S100A2: variants seen among roughly 807,000 people sequenced by gnomAD.
S100A2 encodes protein S100-A2.
Under a neutral mutation model 4.3 loss-of-function variants are expected in S100A2, and 5 were observed. The observed-to-expected ratio is 1.16, with a 90% CI of 0.61 to 2.44. The LOEUF (loss-of-function observed/expected upper bound fraction) is 2.44. Ranked by LOEUF, S100A2 falls within the 30% of genes most tolerant of loss-of-function variation. The pLI is 0.01. For missense variants in S100A2, 103 were observed against 114.7 expected (o/e 0.90, Z 0.47); for synonymous variants, 44 against 46.0 (o/e 0.96, Z 0.17).
rs769235802 is a variant in S100A2, at chr1:153,561,403, C to T, written c.*36G>A. 6.2e-7 allele frequency: 1 copy of T among 1,602,564 alleles called. No individual in the cohort carries two copies. The highest frequency in any genetic ancestry group is 8.5e-7 in the Non-Finnish European group (1 of 1,171,754). On this transcript the variant is annotated 3_prime_UTR_variant, in exon 3 of 3. Transcript: ENST00000368708. ...CTCAAAGGCATCAACAGTCCTGGGC[C>T]CAAGAGATCCATGGCAGGAAGTCAA...
chr1:153,564,045 C>T, intron 1 of S100A2, 158 bp from the exon 2 acceptor site: 1 of 715,132 alleles, frequency 1.4e-6, no homozygotes, highest in Non-Finnish European at 2.2e-6. Context: ...CTGTGGTTCC[C>T]TGAGGCCGGA....
intron 1 of S100A2, among the ~76,000 whole-genome samples, chr1:153,565,060 C>T (rs1424198223): frequency 6.6e-6 from 1 of 151,468 alleles, no homozygotes; most frequent in Non-Finnish European, 1.5e-5. Flanking sequence ...TCCTGTAATC[C>T]CAGCACTTTG....
In S100A2 at chr1:153,561,547, C is replaced by A; in HGVS notation, c.189G>T (p.Leu63=). The A allele has an allele frequency of 6.2e-7, 1 of 1,614,138 alleles. No individual in the cohort carries two copies. The highest frequency in any genetic ancestry group is 8.5e-7 in the Non-Finnish European group (1 of 1,180,022). The change falls in exon 3 of 3, where the codon CTG becomes CTT. Residue 63 remains leucine, a synonymous_variant. Coordinates refer to ENST00000368708, the MANE Select transcript of S100A2 (RefSeq NM_005978.4). ...EEGLKKLMGS[L]DENSDQQVDF... is the part of the protein sequence containing the mutation. Reference sequence around the variant, plus strand: ...CCACCTGCTGGTCACTGTTCTCATCCAGGCTGCCCATCAGCTTCTTCAGCC... The same window carrying A: ...CCACCTGCTGGTCACTGTTCTCATCAAGGCTGCCCATCAGCTTCTTCAGCC...
At chr1:153,563,224 T>C (rs577928681) in intron 2 of S100A2, among the ~76,000 whole-genome samples, 1 of 151,946 alleles carries the variant, frequency 6.6e-6, no homozygotes, top group Non-Finnish European at 1.5e-5. Context: ...ATACAAAAAT[T>C]AGCTGGGCGT....
intron 2 of S100A2, among the ~76,000 whole-genome samples, chr1:153,562,962 C>T (rs1419097468): frequency 3.5e-5 from 5 of 141,498 alleles, no homozygotes; most frequent in Admixed American, 2.8e-4. Context: ...ATCTTGTCCC[C>T]CCACCACAAA....
At chr1:153,564,905 C>T (rs975107585) in intron 1 of S100A2, among the ~76,000 whole-genome samples, 3 of 149,008 alleles carry the variant, frequency 2.0e-5, no homozygotes, top group African/African-American at 7.4e-5. Context: ...CCCACATGCA[C>T]ACCTCCTGCT....
chr1:153,562,756 C>T lies in S100A2; in HGVS notation c.144+978G>A, dbSNP rs573961537. Among the ~76,000 whole-genome samples the T allele has an allele frequency of 5.3e-5, 8 of 151,918 alleles. No individual in the cohort carries two copies. The South Asian group carries it at 1.7e-3, about 32-fold the overall frequency. ...CTGTAATTCCAATACTTTGGGAGGC[C>T]GAGGTGGGAGGATTGCTTGAACCCA... On this transcript the variant is annotated intron_variant, in intron 2 of 2. Coordinates refer to ENST00000368708, the MANE Select transcript of S100A2 (RefSeq NM_005978.4).
rs56666936 is a variant in S100A2 at position 153,564,854 on chromosome 1, CA to C, written c.-11+651del. ...AGTCCTGCTAGAATCCAGGACTTTG[CA>C]AAAAAAAAAAAAAATCTCAGGATTC... On this transcript the variant is annotated intron_variant, in intron 1 of 2. Coordinates refer to ENST00000368708, the MANE Select transcript of S100A2 (RefSeq NM_005978.4). Among the ~76,000 whole-genome samples the C allele has an allele frequency of 8.6e-3, 470 of 54,802 alleles. 40 individuals are homozygous for C. The highest frequency in any genetic ancestry group is 0.06 in the East Asian group (103 of 1,706). 36.0% of individuals were successfully genotyped at this position (54,802 alleles called of 152,430 possible).
At position 153,561,149 on chromosome 1, in the gene S100A2, G is replaced by A; in HGVS notation, c.*290C>T. On this transcript the variant is annotated 3_prime_UTR_variant, in exon 3 of 3. Transcript: ENST00000368708. The stretch of plus-strand genomic sequence containing the variant: ...TCTTTATTTGACAAAATAAAAGTCA[G>A]CAACCTATCTCGATTTCCAATTTTT... 1 of 285,576 alleles carries A rather than the reference G, an allele frequency of 3.5e-6. No individual in the cohort carries two copies. Among genetic ancestry groups the A allele is most frequent in the Non-Finnish European group, 6.4e-6 (1 of 155,900 alleles). The allele number at this position is 285,576 out of a possible 1,614,324, so 17.7% of individuals were successfully genotyped here. A position where few individuals can be genotyped will look rare whatever the true frequency, so the allele number is the denominator to read the frequency against.
At chr1:153,563,206 T>C (rs1056967347) in intron 2 of S100A2, among the ~76,000 whole-genome samples, 3 of 151,980 alleles carry the variant, frequency 2.0e-5, no homozygotes, top group African/African-American at 7.2e-5. Flanking sequence ...ACCCTGTCTC[T>C]ACTAAAAATA....
At chr1:153,564,304 T>C (rs1232599943) in intron 1 of S100A2, 2 of 158,028 alleles carry the variant, frequency 1.3e-5, no homozygotes, top group African/African-American at 4.8e-5. Context: ...GCAGGAGCCA[T>C]GGCTACAGCC....
chr1:153,564,812 C>T (rs1281710099), intron 1 of S100A2, among the ~76,000 whole-genome samples: 2 of 126,882 alleles, frequency 1.6e-5, no homozygotes, highest in Non-Finnish European at 1.6e-5. Context: ...TCTTGAGACC[C>T]CTGCCTCTTG....
Position 153,563,766 on chromosome 1 carries a change from G to C in S100A2, c.112C>G (p.Leu38Val). 3.1e-6 allele frequency: 5 copies of C among 1,614,214 alleles called. No homozygotes were observed. Among genetic ancestry groups the C allele is most frequent in the Non-Finnish European group, 4.2e-6 (5 of 1,180,038 alleles). Residue 38 changes from leucine to valine, a missense_variant, in exon 2 of 3, where the codon CTT becomes GTT. Leu to Val is a conservative substitution (Grantham distance 32, BLOSUM62 1). Transcript: ENST00000368708. ...FKLSKGEMKE[L>V]LHKELPSFVG... is the part of the protein sequence containing the mutation. Reference sequence around the variant, plus strand: ...AAGCTGGGCAGCTCCTTGTGCAGAAGTTCCTTCATTTCCCCCTTACTCAGC... The same window carrying C: ...AAGCTGGGCAGCTCCTTGTGCAGAACTTCCTTCATTTCCCCCTTACTCAGC...
chr1:153,561,947 G>A (rs1481880782), intron 2 of S100A2, among the ~76,000 whole-genome samples: 1 of 152,200 alleles, frequency 6.6e-6, no homozygotes, highest in African/African-American at 2.4e-5. Context: ...ACACCAGCCA[G>A]GTAGATTCAG....
In S100A2 at chr1:153,563,885, T is replaced by C. The variant is rs2101706461; in HGVS notation, c.-8A>G. 1 of 1,613,598 alleles carries C rather than the reference T, an allele frequency of 6.2e-7. No homozygotes were observed. The highest frequency in any genetic ancestry group is 1.3e-5 in the African/African-American group (1 of 75,042). On this transcript the variant is annotated splice_region_variant and 5_prime_UTR_variant, in exon 2 of 3. Coordinates refer to ENST00000368708, the MANE Select transcript of S100A2 (RefSeq NM_005978.4). ...CAGAGAACTGCACATCATGGATCTGTGGCTGCAGAGGTGCCAGGTGATGGG... is the reference window on the plus strand; with the variant it reads ...CAGAGAACTGCACATCATGGATCTGCGGCTGCAGAGGTGCCAGGTGATGGG...
At chr1:153,562,256 C>T (rs1665910187) in intron 2 of S100A2, among the ~76,000 whole-genome samples, 2 of 152,274 alleles carry the variant, frequency 1.3e-5, no homozygotes, top group South Asian at 4.1e-4. Flanking sequence ...TGGGCTCAAG[C>T]AATCCACCCA....
rs979142594 is a variant in S100A2 at position 153,564,150 on chromosome 1, C to T, written c.-10-263G>A. 4 of 389,538 alleles carry T rather than the reference C, an allele frequency of 1.0e-5. No homozygotes were observed. The South Asian group carries it at 1.8e-4, about 17-fold the overall frequency. The allele number at this position is 389,538 out of a possible 1,614,324, so 24.1% of individuals were successfully genotyped here. The stretch of plus-strand genomic sequence containing the variant: ...CCTCTGATGGCACTTGGGACACCCC[C>T]CTGAGGGCAGGGCTCCCCATTTTAG... On this transcript the variant is annotated intron_variant, in intron 1 of 2. Coordinates refer to ENST00000368708, the MANE Select transcript of S100A2 (RefSeq NM_005978.4).
chr1:153,561,657 G>T, intron 2 of S100A2, 66 bp from the exon 3 acceptor site: 1 of 1,610,172 alleles, frequency 6.2e-7, no homozygotes. Context: ...CAAACACCCA[G>T]ACCCTCACAC....
intron 1 of S100A2, among the ~76,000 whole-genome samples, chr1:153,565,184 C>T (rs184502805): frequency 0.011 from 1,683 of 151,728 alleles, 33 homozygotes; most frequent in African/African-American, 0.039. Context: ...TGGTGGTGGG[C>T]GCCTGCAGTC....
Sources: gnomAD v4.1 joint callset for allele counts (sites outside exome capture counted in the v4.1 genomes callset) on GRCh38, gnomAD v4.1.1 for gene constraint, MANE v1.5 for transcripts, NCBI Gene and HGNC (gene_info 2026-07-23, HGNC 2026-07-21) for gene names.